Variants in B3GNT6 observed in about 807,000 individuals in gnomAD.
The protein encoded by B3GNT6 is acetylgalactosaminyl-O-glycosyl-glycoprotein beta-1,3-N-acetylglucosaminyltransferase.
For synonymous variants in B3GNT6, 300 were observed against 270.0 expected (o/e 1.11, Z -1.09); for missense variants, 624 against 568.6 (o/e 1.10, Z -0.99).
intron 1 of B3GNT6, among the ~76,000 whole-genome samples, chr11:77,038,683 G>A (rs1298979279): frequency 6.6e-6 from 1 of 152,082 alleles, no homozygotes; most frequent in African/African-American, 2.4e-5. Context: ...GATTCGTCCT[G>A]GGGGTCTTCA....
Position 77,040,340 on chromosome 11 carries a change from G to C in B3GNT6, c.789G>C (p.Lys263Asn), listed in dbSNP as rs1303473723. 1 of 1,552,870 alleles carries C rather than the reference G, an allele frequency of 6.4e-7. No homozygotes were observed. The highest frequency in any genetic ancestry group is 1.9e-5 in the Admixed American group (1 of 52,702). The change falls in exon 2 of 2, where the codon AAG becomes AAC. Residue 263 changes from lysine (K) to asparagine (N), a missense_variant. Transcript: ENST00000622824. ...GSVPIRDSWS[K>N]YFVPPQLFPG... ...TGCCCATCCGCGACAGCTGGAGCAA[G>C]TACTTCGTGCCGCCGCAGCTCTTCC...
Position 77,040,912 on chromosome 11 carries a change from A to AC in B3GNT6, c.*209dup. On this transcript the variant is annotated 3_prime_UTR_variant, in exon 2 of 2. Transcript: ENST00000622824. ...TTTCGATTTGATTAGTCTGGGGTGG[A>AC]CCCAGACATGTTAAGTATTTTTTAA... 9.2e-6 allele frequency: 7 copies of AC among 764,904 alleles called. No individual in the cohort carries two copies. Among genetic ancestry groups the AC allele is most frequent in the Non-Finnish European group, 1.1e-5 (6 of 528,542 alleles). The allele number at this position is 764,904 out of a possible 1,614,324, so 47.4% of individuals were successfully genotyped here.
chr11:77,037,596 AG>A (rs1949642893), intron 1 of B3GNT6, among the ~76,000 whole-genome samples: 1 of 151,948 alleles, frequency 6.6e-6, no homozygotes, highest in Non-Finnish European at 1.5e-5. Context: ...AGAGCCCTAG[AG>A]GCCTTCCACT....
At position 77,035,288 on chromosome 11, in the gene B3GNT6, A is replaced by G. The variant is rs954998928; in HGVS notation, c.-1+810A>G. On this transcript the variant is annotated intron_variant, in intron 1 of 1. Coordinates refer to ENST00000622824, the MANE Select transcript of B3GNT6 (RefSeq NM_138706.5). ...GGAACTTTATACCATACTGTGTGAG[A>G]AGGCTAGACTTCATCCATAAAAAGA... Among the ~76,000 whole-genome samples the G allele has an allele frequency of 2.0e-5, 3 of 152,358 alleles. No individual in the cohort carries two copies. In the South Asian group the frequency reaches 6.2e-4, roughly 32 times the overall value.
rs986406752 is a variant in B3GNT6 at position 77,040,623 on chromosome 11, T to C, written c.1072T>C (p.Phe358Leu). The C allele has an allele frequency of 6.3e-7, 1 of 1,599,570 alleles. No homozygotes were observed. The highest frequency in any genetic ancestry group is 8.5e-7 in the Non-Finnish European group (1 of 1,178,886). The change falls in exon 2 of 2, where the codon TTC (phenylalanine) becomes CTC (leucine). Residue 358 changes from phenylalanine (F) to leucine (L), a missense_variant. Phe to Leu is a conservative substitution (Grantham distance 22). Transcript: ENST00000622824. ...CCGCGAGTTGCTGCTAGTGCACCGC[T>C]TCGCGCCCTACGAGATGCTGCTCAT... is the stretch of plus-strand genomic sequence containing the variant. Reference protein sequence around the residue: ...MYRELLLVHRFAPYEMLLMWK... With the variant: ...MYRELLLVHRLAPYEMLLMWK...
chr11:77,040,672 CGCT>C lies in B3GNT6; in HGVS notation c.1122_1124del (p.Leu375del). ...ATGTGGAAGGCGCTGCACAGCCCCG[CGCT>C]CAGCTGTGACCGGGGACACCGGGTC... On this transcript the variant is annotated inframe_deletion, in exon 2 of 2. Coordinates refer to ENST00000622824, the MANE Select transcript of B3GNT6 (RefSeq NM_138706.5). The C allele has an allele frequency of 6.3e-7, 1 of 1,595,262 alleles. No individual in the cohort carries two copies. The highest frequency in any genetic ancestry group is 8.5e-7 in the Non-Finnish European group (1 of 1,175,966).
In B3GNT6 at chr11:77,040,794, C is replaced by T; in HGVS notation, c.*88C>T. On this transcript the variant is annotated 3_prime_UTR_variant, in exon 2 of 2. Transcript: ENST00000622824. ...CCGCTCTGGGTACCTTACGTCCTGCCCAGCTCTGTGCACCTGAACCCCAGC... is the reference window on the plus strand; with the variant it reads ...CCGCTCTGGGTACCTTACGTCCTGCTCAGCTCTGTGCACCTGAACCCCAGC... 1 of 1,436,836 alleles carries T rather than the reference C, an allele frequency of 7.0e-7. No individual in the cohort carries two copies. The highest frequency in any genetic ancestry group is 9.1e-7 in the Non-Finnish European group (1 of 1,100,678). 89.0% of individuals were successfully genotyped at this position (1,436,836 alleles called of 1,614,324 possible). A position where few individuals can be genotyped will look rare whatever the true frequency, so the allele number is the denominator to read the frequency against.
At position 77,036,582 on chromosome 11, in the gene B3GNT6, A is replaced by G. The variant is rs531573456; in HGVS notation, c.-1+2104A>G. Among the ~76,000 whole-genome samples, 5 of 152,380 alleles carry G rather than the reference A, an allele frequency of 3.3e-5. No homozygotes were observed. In the East Asian group the frequency reaches 7.7e-4, roughly 23 times the overall value. On this transcript the variant is annotated intron_variant, in intron 1 of 1. Transcript: ENST00000622824. ...GGCACCTTGATAATCCTAACAGCTAATATTTACTGAATACTATGTGCCAAG... is the reference window on the plus strand; with the variant it reads ...GGCACCTTGATAATCCTAACAGCTAGTATTTACTGAATACTATGTGCCAAG...
intron 1 of B3GNT6, among the ~76,000 whole-genome samples, chr11:77,036,454 A>G (rs1304937019): frequency 2.0e-5 from 3 of 152,224 alleles, no homozygotes; most frequent in African/African-American, 4.8e-5. Flanking sequence ...ACTGTAATAC[A>G]CAAGCAATAG....
Position 77,039,851 on chromosome 11 carries a change from C to T in B3GNT6, c.300C>T (p.His100=), listed in dbSNP as rs782285747. 1.5e-5 allele frequency: 23 copies of T among 1,584,620 alleles called. No homozygotes were observed. Among genetic ancestry groups the T allele is most frequent in the Non-Finnish European group, 1.9e-5 (22 of 1,172,962 alleles). The change falls in exon 2 of 2, where the codon CAC becomes CAT. Residue 100 remains histidine (H), a synonymous_variant. Coordinates refer to ENST00000622824, the MANE Select transcript of B3GNT6 (RefSeq NM_138706.5). ...TCCTGCGGTACCGCCACTGCCGCCA[C>T]TTCCCGCTGCTTTGGGACGCACCGG... ...QDFLRYRHCR[H]FPLLWDAPAK... is the part of the protein sequence containing the mutation.
rs1373604498 is a variant in B3GNT6 at position 77,039,961 on chromosome 11, G to C, written c.410G>C (p.Arg137Pro). 1.3e-6 allele frequency: 2 copies of C among 1,590,562 alleles called. No individual in the cohort carries two copies. Among genetic ancestry groups the C allele is most frequent in the East Asian group, 2.3e-5 (1 of 44,102 alleles). The change falls in exon 2 of 2, where the codon CGG becomes CCG. Residue 137 changes from arginine (R) to proline (P), a missense_variant. Arg to Pro is a moderately radical substitution (Grantham distance 103). Coordinates refer to ENST00000622824, the MANE Select transcript of B3GNT6 (RefSeq NM_138706.5). Reference sequence around the variant, plus strand: ...CACTACGAGCGACGCGAGCTCATCCGGCGCACGTGGGGGCAAGAGCGCAGC... The same window carrying C: ...CACTACGAGCGACGCGAGCTCATCCCGCGCACGTGGGGGCAAGAGCGCAGC... ...PEHYERRELI[R>P]RTWGQERSYG... is the part of the protein sequence containing the mutation.
chr11:77,039,956 C>T lies in B3GNT6; in HGVS notation c.405C>T (p.Leu135=). Residue 135 remains leucine (L), a synonymous_variant, in exon 2 of 2, where the codon CTC becomes CTT. Coordinates refer to ENST00000622824, the MANE Select transcript of B3GNT6 (RefSeq NM_138706.5). Reference sequence around the variant, plus strand: ...CTGAGCACTACGAGCGACGCGAGCTCATCCGGCGCACGTGGGGGCAAGAGC... The same window carrying T: ...CTGAGCACTACGAGCGACGCGAGCTTATCCGGCGCACGTGGGGGCAAGAGC... ...SAPEHYERRE[L]IRRTWGQERS... The T allele has an allele frequency of 6.3e-7, 1 of 1,591,330 alleles. No individual in the cohort carries two copies. The highest frequency in any genetic ancestry group is 8.5e-7 in the Non-Finnish European group (1 of 1,176,412).
Position 77,040,031 on chromosome 11 carries a change from G to T in B3GNT6, c.480G>T (p.Pro160=). The T allele has an allele frequency of 6.3e-7, 1 of 1,577,390 alleles. No homozygotes were observed. Among genetic ancestry groups the T allele is most frequent in the Non-Finnish European group, 8.5e-7 (1 of 1,171,106 alleles). The change falls in exon 2 of 2, where the codon CCG becomes CCT. Residue 160 remains proline, a synonymous_variant. Transcript: ENST00000622824. ...PVRRLFLLGT[P]GPEDEARAER... Reference sequence around the variant, plus strand: ...GCCGCCTCTTTCTATTGGGCACCCCGGGCCCCGAGGACGAGGCGCGCGCGG... The same window carrying T: ...GCCGCCTCTTTCTATTGGGCACCCCTGGCCCCGAGGACGAGGCGCGCGCGG...
rs1342288351 is a variant in B3GNT6 at position 77,040,277 on chromosome 11, C to A, written c.726C>A (p.Gly242=). 1.3e-6 allele frequency: 2 copies of A among 1,595,382 alleles called. No individual in the cohort carries two copies. The highest frequency in any genetic ancestry group is 4.5e-5 in the East Asian group (2 of 44,672). The change falls in exon 2 of 2, where the codon GGC becomes GGA. Residue 242 remains glycine, a synonymous_variant. Coordinates refer to ENST00000622824, the MANE Select transcript of B3GNT6 (RefSeq NM_138706.5). The part of the protein sequence containing the change: ...VVRFLQAQPP[G]RHLFSGQLME... ...GCTTCCTGCAGGCGCAGCCACCCGG[C>A]CGCCACCTGTTCTCCGGCCAGCTCA...
In B3GNT6 at chr11:77,039,960, C is replaced by T. The variant is rs1555027516; in HGVS notation, c.409C>T (p.Arg137Trp). ...GCACTACGAGCGACGCGAGCTCATCCGGCGCACGTGGGGGCAAGAGCGCAG... is the reference window on the plus strand; with the variant it reads ...GCACTACGAGCGACGCGAGCTCATCTGGCGCACGTGGGGGCAAGAGCGCAG... ...PEHYERRELI[R>W]RTWGQERSYG... The change falls in exon 2 of 2, where the codon CGG becomes TGG. Residue 137 changes from arginine (R) to tryptophan (W), a missense_variant. Transcript: ENST00000622824. 12 of 1,590,842 alleles carry T rather than the reference C, an allele frequency of 7.5e-6. No individual in the cohort carries two copies. Among genetic ancestry groups the T allele is most frequent in the Non-Finnish European group, 1.0e-5 (12 of 1,176,280 alleles).
intron 1 of B3GNT6, among the ~76,000 whole-genome samples, chr11:77,036,353 A>G (rs1233013117): frequency 6.6e-6 from 1 of 152,188 alleles, no homozygotes; most frequent in African/African-American, 2.4e-5. Context: ...GATTACATCC[A>G]CACTTTTGCA....
At position 77,039,894 on chromosome 11, in the gene B3GNT6, CG is replaced by C; in HGVS notation, c.344del (p.Arg115GlnfsTer9). The C allele has an allele frequency of 4.4e-6, 7 of 1,591,278 alleles. No homozygotes were observed. Among genetic ancestry groups the C allele is most frequent in the Non-Finnish European group, 6.0e-6 (7 of 1,176,372 alleles). ...CGCACCGGCCAAGTGCGCCGGCGGCCGAGGCGTGTTCCTGCTCCTGGCGGTG... is the reference window on the plus strand; with the variant it reads ...CGCACCGGCCAAGTGCGCCGGCGGCCAGGCGTGTTCCTGCTCCTGGCGGTG... Reference protein sequence around the residue: ...WDAPAKCAGGRGVFLLLAVKS... With the variant: ...WDAPAKCAGGXGVFLLLAVKS... On this transcript the variant is annotated frameshift_variant, in exon 2 of 2. Coordinates refer to ENST00000622824, the MANE Select transcript of B3GNT6 (RefSeq NM_138706.5). LOFTEE classifies it low-confidence loss of function (END_TRUNC).
In B3GNT6 at chr11:77,040,494, T is replaced by A. The variant is rs782316745; in HGVS notation, c.943T>A (p.Cys315Ser). 9 of 1,541,446 alleles carry A rather than the reference T, an allele frequency of 5.8e-6. No homozygotes were observed. Among genetic ancestry groups the A allele is most frequent in the Non-Finnish European group, 7.8e-6 (9 of 1,149,436 alleles). Residue 315 changes from cysteine to serine, a missense_variant, in exon 2 of 2, where the codon TGT becomes AGT. By Grantham distance (112) the Cys-to-Ser change is moderately radical. Transcript: ENST00000622824. Reference sequence around the variant, plus strand: ...CATCGACGACGCCTACATGGGCATGTGTCTGGAGCGCGCCGGCCTGGCGCC... The same window carrying A: ...CATCGACGACGCCTACATGGGCATGAGTCTGGAGCGCGCCGGCCTGGCGCC... ...FPIDDAYMGM[C>S]LERAGLAPSG...
In B3GNT6 at chr11:77,039,612, G is replaced by GT; in HGVS notation, c.62dup (p.Ser22GlufsTer37). On this transcript the variant is annotated frameshift_variant, in exon 2 of 2. Coordinates refer to ENST00000622824, the MANE Select transcript of B3GNT6 (RefSeq NM_138706.5). LOFTEE classifies it low-confidence loss of function (END_TRUNC). ...GACTCTGGCCTGCCTCCTGGTGGGC[G>GT]TGAGTTTCTTAGCACTGCAGCAGTG... The GT allele has an allele frequency of 6.2e-7, 1 of 1,610,786 alleles. No individual in the cohort carries two copies. Among genetic ancestry groups the GT allele is most frequent in the Non-Finnish European group, 8.5e-7 (1 of 1,178,652 alleles).
Sources: allele counts gnomAD v4.1 joint callset (sites outside exome capture counted in the v4.1 genomes callset), GRCh38; gene constraint gnomAD v4.1.1; transcripts MANE v1.5; gene names NCBI Gene and HGNC (gene_info 2026-07-23, HGNC 2026-07-21).